The following ATP11A variants were observed in gnomAD, a reference collection of about 807,000 sequenced individuals.
The protein encoded by ATP11A is ATPase phospholipid transporting 11A.
In ATP11A, 81 loss-of-function variants were observed where a neutral mutation model predicts 154.4. The observed-to-expected ratio is 0.52, with a 90% CI of 0.44 to 0.63. ATP11A has a LOEUF of 0.63. Among genes scored for constraint, ATP11A ranks in the 30% least tolerant of loss-of-function variants. The pLI is 0.00. For synonymous variants in ATP11A, 623 were observed against 585.9 expected (o/e 1.06, Z -0.91); for missense variants, 1,316 against 1,474.3 (o/e 0.89, Z 1.76).
chr13:112,725,555 T>C (rs1475615694), intron 1 of ATP11A, among the ~76,000 whole-genome samples: 1 of 152,180 alleles, frequency 6.6e-6, no homozygotes, highest in Non-Finnish European at 1.5e-5. Context: ...CTGGCACAAG[T>C]GTGTGCTCTA....
chr13:112,743,743 A>G (rs1193702375), intron 1 of ATP11A, among the ~76,000 whole-genome samples: 1 of 152,264 alleles, frequency 6.6e-6, no homozygotes, highest in Non-Finnish European at 1.5e-5. Flanking sequence ...AATGTAACAC[A>G]GTAAGCTTAA....
chr13:112,876,671 C>G (rs1161659024), intron 28 of ATP11A, among the ~76,000 whole-genome samples: 1 of 150,632 alleles, frequency 6.6e-6, no homozygotes, highest in East Asian at 1.9e-4. Context: ...AGGTGGAGCC[C>G]TGGACTGGGC....
At chr13:112,829,081 C>CT (rs1375702568) in intron 12 of ATP11A, among the ~76,000 whole-genome samples, 1 of 152,230 alleles carries the variant, frequency 6.6e-6, no homozygotes, top group African/African-American at 2.4e-5. Flanking sequence ...AAATGAGAAA[C>CT]TGAGTCAGGA....
Position 112,754,922 on chromosome 13 carries a change from C to T in ATP11A, c.40-30213C>T, listed in dbSNP as rs894726394. ...CTAGACACCCTGCACTTGCCCCTCCCGAGCGCGTGTGCCTGACCTGCTCCG... is the reference window on the plus strand; with the variant it reads ...CTAGACACCCTGCACTTGCCCCTCCTGAGCGCGTGTGCCTGACCTGCTCCG... On this transcript the variant is annotated intron_variant, in intron 1 of 29. Coordinates refer to ENST00000375645, the MANE Select transcript of ATP11A (RefSeq NM_015205.3). The surrounding 1 kb of genome is among the most constrained non-coding windows in gnomAD (Gnocchi z 5.3). Among the ~76,000 whole-genome samples the T allele has an allele frequency of 7.2e-5, 11 of 152,208 alleles. No homozygotes were observed. Among genetic ancestry groups the T allele is most frequent in the African/African-American group, 2.4e-4 (10 of 41,458 alleles).
At chr13:112,843,143 C>T (rs567800436) in intron 17 of ATP11A, among the ~76,000 whole-genome samples, 1 of 151,492 alleles carries the variant, frequency 6.6e-6, no homozygotes, top group South Asian at 2.1e-4. Context: ...TGCTCTCTCC[C>T]GTCAGATGTC....
chr13:112,759,034 TG>T (rs1271810254), intron 1 of ATP11A, among the ~76,000 whole-genome samples: 2 of 152,240 alleles, frequency 1.3e-5, no homozygotes, highest in African/African-American at 4.8e-5. Flanking sequence ...GTCACTTCCG[TG>T]GGTAAACATA....
At chr13:112,814,944 G>C (rs541521460) in intron 5 of ATP11A, among the ~76,000 whole-genome samples, 84 of 152,216 alleles carry the variant, frequency 5.5e-4, no homozygotes, top group Non-Finnish European at 1.0e-3. Context: ...CATTTGGGAA[G>C]AGTAACCCTC....
chr13:112,855,724 T>C (rs2079902379), intron 19 of ATP11A, among the ~76,000 whole-genome samples, 187 bp from the exon 20 acceptor site: 2 of 152,192 alleles, frequency 1.3e-5, no homozygotes, highest in African/African-American at 4.8e-5. Flanking sequence ...TTTCATAAAA[T>C]ACACTCTTAA....
intron 1 of ATP11A, among the ~76,000 whole-genome samples, chr13:112,698,547 G>A (rs1886146262): frequency 6.6e-6 from 1 of 152,120 alleles, no homozygotes; most frequent in African/African-American, 2.4e-5. Flanking sequence ...CCTGAGAGAG[G>A]GTGATGTGGC....
intron 1 of ATP11A, among the ~76,000 whole-genome samples, chr13:112,744,315 G>T (rs1891883704): frequency 6.6e-6 from 1 of 151,414 alleles, no homozygotes; most frequent in South Asian, 2.1e-4. Context: ...ATGGTGTTCT[G>T]TATATTGATG....
In ATP11A at chr13:112,831,686, G is replaced by A. The variant is rs75130738; in HGVS notation, c.1395+138G>A. The A allele has an allele frequency of 3.5e-3, 3,452 of 982,404 alleles. 77 individuals carry two copies. The African/African-American group carries it at 0.05, about 14-fold the overall frequency. The allele number at this position is 982,404 out of a possible 1,614,324, so 60.9% of individuals were successfully genotyped here. A position where few individuals can be genotyped will look rare whatever the true frequency, so the allele number is the denominator to read the frequency against. ...CTTCAGTGGGAGGGATGGTCAGAAG[G>A]TGCGATGTGTGTGGTGTCCCGTTAG... On this transcript the variant is annotated intron_variant, in intron 13 of 29. Coordinates refer to ENST00000375645, the MANE Select transcript of ATP11A (RefSeq NM_015205.3).
chr13:112,786,635 T>G (rs1217002284), intron 2 of ATP11A, among the ~76,000 whole-genome samples: 37 of 125,326 alleles, frequency 3.0e-4, no homozygotes, highest in African/African-American at 1.3e-3. Context: ...GCACATGGGG[T>G]AAACTGTGCT....
intron 6 of ATP11A, among the ~76,000 whole-genome samples, chr13:112,817,577 C>T (rs2078679230): frequency 6.6e-6 from 1 of 152,168 alleles, no homozygotes; most frequent in Non-Finnish European, 1.5e-5. Flanking sequence ...ACCCTGTGAG[C>T]CCTTCACACT....
intron 25 of ATP11A, among the ~76,000 whole-genome samples, chr13:112,867,588 G>A (rs7327087): frequency 1.3e-5 from 2 of 152,106 alleles, no homozygotes; most frequent in Admixed American, 6.5e-5. Flanking sequence ...TGGCGTGTCC[G>A]CAGTCAGCTG....
chr13:112,834,880 G>C (rs965845669), intron 15 of ATP11A, among the ~76,000 whole-genome samples: 1 of 152,240 alleles, frequency 6.6e-6, no homozygotes, highest in Non-Finnish European at 1.5e-5. Flanking sequence ...GCTTCCCCTG[G>C]ATGGTTTTTC....
chr13:112,876,076 G>A (rs1006802976), intron 28 of ATP11A, 135 bp downstream of exon 28: 5 of 933,540 alleles, frequency 5.4e-6, no homozygotes, highest in Non-Finnish European at 7.6e-6. Context: ...ACTAATGAGT[G>A]TCCTGACGGT....
chr13:112,817,930 C>T (rs797019845), intron 6 of ATP11A, among the ~76,000 whole-genome samples: 20 of 152,348 alleles, frequency 1.3e-4, no homozygotes, highest in African/African-American at 4.3e-4. Context: ...GTGGGGCTCA[C>T]GTGACTGCAC....
rs375043580 is a variant in ATP11A at position 112,857,910 on chromosome 13, C to T, written c.2511C>T (p.His837=). The T allele has an allele frequency of 7.0e-5, 113 of 1,614,172 alleles. No homozygotes were observed. In the African/African-American group the frequency reaches 7.5e-4, roughly 11 times the overall value. ...ANDVSMILEA[H]VGIGVIGKEG... is the part of the protein sequence containing the mutation. ...ATGTCAGCATGATTCTGGAAGCGCA[C>T]GTGGGCATAGGTGAGCTTCGTCCTT... Residue 837 remains histidine, a synonymous_variant, in exon 21 of 30, where the codon CAC becomes CAT. Transcript: ENST00000375645.
chr13:112,812,559 C>T (rs1218288916), intron 5 of ATP11A, among the ~76,000 whole-genome samples: 1 of 152,240 alleles, frequency 6.6e-6, no homozygotes, highest in Non-Finnish European at 1.5e-5. Context: ...GACAAGGCCG[C>T]AGCCCTTCCC....
Sources: allele counts gnomAD v4.1 joint callset (sites outside exome capture counted in the v4.1 genomes callset), GRCh38; gene constraint gnomAD v4.1.1; non-coding constraint Gnocchi (gnomAD v3.1); transcripts MANE v1.5; gene names NCBI Gene and HGNC (gene_info 2026-07-23, HGNC 2026-07-21).